FOXP1: variants seen among roughly 807,000 people sequenced by gnomAD.
The protein encoded by FOXP1 is forkhead box P1.
Under a neutral mutation model 98.2 loss-of-function variants are expected in FOXP1, and 15 were observed. The observed-to-expected ratio is 0.15, with a 90% CI of 0.10 to 0.24. FOXP1 has a LOEUF of 0.24. Among genes scored for constraint, FOXP1 ranks in the 10% least tolerant of loss-of-function variants. The pLI, the probability that FOXP1 is intolerant of heterozygous loss-of-function variation, is 1.00. For synonymous variants in FOXP1, 371 were observed against 314.5 expected (o/e 1.18, Z -1.90); for missense variants, 633 against 848.5 (o/e 0.75, Z 3.15).
intron 3 of FOXP1, among the ~76,000 whole-genome samples, chr3:71,455,205 G>A (rs917731383): frequency 2.6e-5 from 4 of 152,070 alleles, no homozygotes; most frequent in South Asian, 2.1e-4. Flanking sequence ...ACAGGCGGAC[G>A]TGGAAATAGC....
chr3:71,240,143 G>C (rs184925714), intron 5 of FOXP1, among the ~76,000 whole-genome samples: 2 of 152,364 alleles, frequency 1.3e-5, no homozygotes, highest in East Asian at 3.9e-4. Context: ...GCCTGCAGCA[G>C]AGTCAAACAG....
intron 2 of FOXP1, among the ~76,000 whole-genome samples, chr3:71,500,703 A>G (rs1263023292): frequency 6.6e-6 from 1 of 152,196 alleles, no homozygotes; most frequent in African/African-American, 2.4e-5. Context: ...AAAAAGAAAG[A>G]GTTGGTCTCT....
intron 3 of FOXP1, among the ~76,000 whole-genome samples, chr3:71,399,525 G>A (rs942346922): frequency 7.9e-5 from 12 of 152,050 alleles, no homozygotes; most frequent in Admixed American, 6.5e-4. Context: ...CACTAAAGTC[G>A]ATAAAAATCA....
intron 14 of FOXP1, among the ~76,000 whole-genome samples, chr3:70,983,805 G>A (rs1042248608): frequency 2.6e-5 from 4 of 152,276 alleles, no homozygotes; most frequent in East Asian, 1.9e-4. Context: ...TAAGAAATCC[G>A]TAGTAATTTA....
intron 11 of FOXP1, among the ~76,000 whole-genome samples, chr3:71,029,290 G>C (rs547270651): frequency 2.2e-4 from 33 of 152,314 alleles, no homozygotes; most frequent in African/African-American, 7.5e-4. Flanking sequence ...ATGGACAAGA[G>C]AGTTAAAACC....
At chr3:71,167,359 A>G (rs1016932946) in intron 6 of FOXP1, among the ~76,000 whole-genome samples, 3 of 152,238 alleles carry the variant, frequency 2.0e-5, no homozygotes, top group Non-Finnish European at 4.4e-5. Context: ...AAAATCCTCA[A>G]GGAAGAAGCA....
chr3:71,437,396 G>A (rs184007065), intron 3 of FOXP1, among the ~76,000 whole-genome samples: 1 of 152,122 alleles, frequency 6.6e-6, no homozygotes, highest in Non-Finnish European at 1.5e-5. Flanking sequence ...GACAGAATGA[G>A]ACCCTGTCTC....
At chr3:71,314,530 A>AATAT (rs59655430) in intron 4 of FOXP1, among the ~76,000 whole-genome samples, 4,568 of 143,318 alleles carry the variant, frequency 0.032, 108 homozygotes, top group African/African-American at 0.069. Context: ...CCGTCTAAAA[A>AATAT]ATATATATAT....
intron 3 of FOXP1, among the ~76,000 whole-genome samples, chr3:71,432,676 C>G (rs1223557309): frequency 6.6e-6 from 1 of 152,012 alleles, no homozygotes; most frequent in Non-Finnish European, 1.5e-5. Context: ...ATCACCAGCG[C>G]TACTCATGAT....
At chr3:71,246,413 A>T (rs1310320859) in intron 5 of FOXP1, among the ~76,000 whole-genome samples, 1 of 152,178 alleles carries the variant, frequency 6.6e-6, no homozygotes, top group Non-Finnish European at 1.5e-5. Flanking sequence ...AGCCAGGCTG[A>T]TCTAGCAAAT....
intron 3 of FOXP1, among the ~76,000 whole-genome samples, chr3:71,366,398 A>T (rs1391549978): frequency 6.6e-6 from 1 of 152,214 alleles, no homozygotes; most frequent in Non-Finnish European, 1.5e-5. Context: ...AAATGTGTGC[A>T]AATGCTTGTT....
chr3:71,103,959 C>CA (rs1553739927), intron 7 of FOXP1, among the ~76,000 whole-genome samples: 252 of 151,598 alleles, frequency 1.7e-3, no homozygotes, highest in African/African-American at 5.6e-3. Context: ...GTTCCCCCCC[C>CA]AAAAAAAGAG....
chr3:71,484,723 C>G (rs575818185), intron 3 of FOXP1, among the ~76,000 whole-genome samples: 15 of 152,252 alleles, frequency 9.9e-5, no homozygotes, highest in Non-Finnish European at 2.1e-4. Context: ...AGAGACCACA[C>G]TCTCCCTAAC....
intron 5 of FOXP1, among the ~76,000 whole-genome samples, chr3:71,268,159 C>T (rs977098325): frequency 3.7e-5 from 5 of 136,872 alleles, no homozygotes; most frequent in Non-Finnish European, 7.6e-5. Flanking sequence ...GGCACGATCT[C>T]GGCTCACTGC....
intron 4 of FOXP1, among the ~76,000 whole-genome samples, chr3:71,317,050 G>C (rs1377116856): frequency 6.6e-6 from 1 of 152,062 alleles, no homozygotes; most frequent in Non-Finnish European, 1.5e-5. Context: ...AGCTCAGAGG[G>C]AACCCACCCC....
intron 6 of FOXP1, among the ~76,000 whole-genome samples, chr3:71,115,317 T>TTTTATA (rs1553745323): frequency 6.9e-6 from 1 of 144,124 alleles, no homozygotes; most frequent in East Asian, 2.0e-4. Flanking sequence ...ATTATTATTA[T>TTTTATA]TTTATTTATT....
intron 5 of FOXP1, among the ~76,000 whole-genome samples, chr3:71,229,104 T>C (rs905832164): frequency 2.0e-4 from 31 of 152,212 alleles, no homozygotes; most frequent in Admixed American, 1.8e-3. Flanking sequence ...TGCTAATGCT[T>C]TGTATTTACT....
chr3:71,305,607 G>A (rs557717428), intron 4 of FOXP1: 2 of 152,228 alleles, frequency 1.3e-5, no homozygotes, highest in South Asian at 2.1e-4. Flanking sequence ...TACAAAACAG[G>A]ATTTGTTAGG....
At chr3:71,195,729 T>C (rs2063260558) in intron 6 of FOXP1, among the ~76,000 whole-genome samples, 1 of 152,268 alleles carries the variant, frequency 6.6e-6, no homozygotes, top group South Asian at 2.1e-4. Context: ...TGGTTTTGTG[T>C]GACTACCGCA....
Sources: gnomAD v4.1 joint callset for allele counts (sites outside exome capture counted in the v4.1 genomes callset) on GRCh38, gnomAD v4.1.1 for gene constraint, MANE v1.5 for transcripts, NCBI Gene and HGNC (gene_info 2026-07-23, HGNC 2026-07-21) for gene names.